Variants in EPN1 observed in about 807,000 individuals in gnomAD.
The protein encoded by EPN1 is epsin 1.
EPN1 carries 25 observed loss-of-function variants against 56.9 expected under a neutral mutation model. That is an observed-to-expected ratio of 0.44 (90% CI 0.32 to 0.61). EPN1 has a LOEUF of 0.61. Among genes scored for constraint, EPN1 ranks in the 20% least tolerant of loss-of-function variants. The probability of loss-of-function intolerance (pLI) is 0.05; values close to 1 mark genes in which losing one functional copy is unlikely to be tolerated. For synonymous variants in EPN1, 411 were observed against 361.8 expected (o/e 1.14, Z -1.54); for missense variants, 785 against 823.7 (o/e 0.95, Z 0.58).
chr19:55,687,319 G>C (rs1217041663), intron 3 of EPN1, among the ~76,000 whole-genome samples: 4 of 152,124 alleles, frequency 2.6e-5, no homozygotes, highest in Non-Finnish European at 5.9e-5. Context: ...GCTAGGGAGT[G>C]AGCCCTGAGA....
intron 9 of EPN1, chr19:55,693,266 A>T (rs1412953907): frequency 3.8e-6 from 2 of 533,262 alleles, no homozygotes; most frequent in Non-Finnish European, 6.7e-6. Flanking sequence ...AATTGTTCTC[A>T]AGGTTTCCCA....
In EPN1 at chr19:55,709,195, T is replaced by C; in HGVS notation, c.*13839T>C. On this transcript the variant is annotated 3_prime_UTR_variant, in exon 11 of 11. Transcript: ENST00000270460. ...ACTGAATTTGAAAAACAAGCATGAATCTTTCCTATAGGATAGGAAGCCTCT... is the reference window on the plus strand; with the variant it reads ...ACTGAATTTGAAAAACAAGCATGAACCTTTCCTATAGGATAGGAAGCCTCT... 1.9e-6 allele frequency: 1 copy of C among 527,090 alleles called. No individual in the cohort carries two copies. 32.7% of individuals were successfully genotyped at this position (527,090 alleles called of 1,614,324 possible). A position where few individuals can be genotyped will look rare whatever the true frequency, so the allele number is the denominator to read the frequency against.
rs187310579 is a variant in EPN1, at chr19:55,704,425, T to G, written c.*9069T>G. Reference sequence around the variant, plus strand: ...GTCCTAATCCAATCTGACTGTTATATAGTGGGGTTGCACCTTCATGTGAGG... The same window carrying G: ...GTCCTAATCCAATCTGACTGTTATAGAGTGGGGTTGCACCTTCATGTGAGG... On this transcript the variant is annotated 3_prime_UTR_variant, in exon 11 of 11. Transcript: ENST00000270460. The G allele has an allele frequency of 6.6e-6, 1 of 152,188 alleles. No homozygotes were observed. Among genetic ancestry groups the G allele is most frequent in the Non-Finnish European group, 1.5e-5 (1 of 68,052 alleles). 9.4% of individuals were successfully genotyped at this position (152,188 alleles called of 1,614,324 possible). A position where few individuals can be genotyped will look rare whatever the true frequency, so the allele number is the denominator to read the frequency against.
rs1987053908 is a variant in EPN1, at chr19:55,699,722, G to A, written c.*4366G>A. On this transcript the variant is annotated 3_prime_UTR_variant, in exon 11 of 11. Coordinates refer to ENST00000270460, the MANE Select transcript of EPN1 (RefSeq NM_001130072.2). The stretch of plus-strand genomic sequence containing the variant: ...CGGTGATTGCTTGTATGTGGCAGGG[G>A]TCTAAGGCCTGCCTGCACGTCCTGG... 6.6e-6 allele frequency: 1 copy of A among 152,160 alleles called. No individual in the cohort carries two copies. Among genetic ancestry groups the A allele is most frequent in the Non-Finnish European group, 1.5e-5 (1 of 68,032 alleles). 9.4% of individuals were successfully genotyped at this position (152,160 alleles called of 1,614,324 possible).
chr19:55,677,385 A>G lies in EPN1; in HGVS notation c.-101-1142A>G, dbSNP rs558223790. On this transcript the variant is annotated intron_variant, in intron 1 of 10. Coordinates refer to ENST00000270460, the MANE Select transcript of EPN1 (RefSeq NM_001130072.2). ...AGCAGTGCGAGTGTCTGCTGGTGTC[A>G]TCATCATTTGCTTGACTCTCTTGTT... Among the ~76,000 whole-genome samples, 28 of 152,292 alleles carry G rather than the reference A, an allele frequency of 1.8e-4. No individual in the cohort carries two copies. In the South Asian group the frequency reaches 2.5e-3, roughly 14 times the overall value.
At chr19:55,677,035 T>C in intron 1 of EPN1, 1 of 1,393,972 alleles carries the variant, frequency 7.2e-7, no homozygotes, top group South Asian at 1.4e-5. Context: ...ACTAGCTACA[T>C]CTGTCTTCAG....
chr19:55,706,299 T>TTTTTTTTTTTTTTTTTTTAA lies in EPN1; in HGVS notation c.*10943_*10944insTTTTTTTTTTTTTTTTTTAA, dbSNP rs1324277673. On this transcript the variant is annotated 3_prime_UTR_variant, in exon 11 of 11. Coordinates refer to ENST00000270460, the MANE Select transcript of EPN1 (RefSeq NM_001130072.2). The stretch of plus-strand genomic sequence containing the variant: ...TTTCTTCTTCTTTTTTTTTTTTTTT[T>TTTTTTTTTTTTTTTTTTTAA]AAAAGACCGTGTTTCGCTCTGTCAC... 6.5e-6 allele frequency: 1 copy of TTTTTTTTTTTTTTTTTTTAA among 154,808 alleles called. No individual in the cohort carries two copies. The highest frequency in any genetic ancestry group is 2.5e-5 in the African/African-American group (1 of 39,260). The allele number at this position is 154,808 out of a possible 1,614,324, so 9.6% of individuals were successfully genotyped here.
rs546215391 is a variant in EPN1 at position 55,705,834 on chromosome 19, G to A, written c.*10478G>A. ...ATATATATATATATATATATTTAGA[G>A]TGTTGTGGGATATATATATATATTT... On this transcript the variant is annotated 3_prime_UTR_variant, in exon 11 of 11. Coordinates refer to ENST00000270460, the MANE Select transcript of EPN1 (RefSeq NM_001130072.2). The A allele has an allele frequency of 2.6e-3, 202 of 77,452 alleles. 2 individuals are homozygous for A. The highest frequency in any genetic ancestry group is 0.016 in the African/African-American group (197 of 12,264). 4.8% of individuals were successfully genotyped at this position (77,452 alleles called of 1,614,324 possible). A position where few individuals can be genotyped will look rare whatever the true frequency, so the allele number is the denominator to read the frequency against.
At position 55,694,418 on chromosome 19, in the gene EPN1, G is replaced by A. The variant is rs1986784168; in HGVS notation, c.1265-308G>A. The A allele has an allele frequency of 6.1e-6, 2 of 330,110 alleles. No homozygotes were observed. The highest frequency in any genetic ancestry group is 1.1e-5 in the Non-Finnish European group (2 of 182,808). The allele number at this position is 330,110 out of a possible 1,614,324, so 20.4% of individuals were successfully genotyped here. A position where few individuals can be genotyped will look rare whatever the true frequency, so the allele number is the denominator to read the frequency against. ...CACGCCCCCGCTGCCTTCCCCCGCG[G>A]GCCTATAGACCCTGGACGGCCCCAC... On this transcript the variant is annotated intron_variant, in intron 9 of 10. Transcript: ENST00000270460. This position sits in a 1 kb window ranked among gnomAD's most constrained non-coding sequence, Gnocchi z 4.2.
rs552370408 is a variant in EPN1 at position 55,692,582 on chromosome 19, G to T, written c.1067-104G>T. 6.3e-4 allele frequency: 458 copies of T among 723,710 alleles called. 1 individual carries two copies. Among genetic ancestry groups the T allele is most frequent in the Non-Finnish European group, 9.0e-4 (410 of 456,154 alleles). The allele number at this position is 723,710 out of a possible 1,614,324, so 44.8% of individuals were successfully genotyped here. A position where few individuals can be genotyped will look rare whatever the true frequency, so the allele number is the denominator to read the frequency against. On this transcript the variant is annotated intron_variant, in intron 7 of 10. Transcript: ENST00000270460. ...GGTGGGGTGGGTTTCTGGGGGGCAG[G>T]GGGGCTTTTGTGTGAACAGCCACAG...
At chr19:55,690,302 T>G (rs1244293700) in intron 6 of EPN1, among the ~76,000 whole-genome samples, 4 of 152,250 alleles carry the variant, frequency 2.6e-5, no homozygotes, top group African/African-American at 9.6e-5. Flanking sequence ...TCGCCCCATC[T>G]GTCACACTTT....
chr19:55,695,351 C>T lies in EPN1; in HGVS notation c.1726C>T (p.Leu576=). The T allele has an allele frequency of 1.3e-6, 2 of 1,486,164 alleles. No individual in the cohort carries two copies. The highest frequency in any genetic ancestry group is 1.2e-5 in the South Asian group (1 of 82,738). The allele number at this position is 1,486,164 out of a possible 1,614,324, so 92.1% of individuals were successfully genotyped here. A position where few individuals can be genotyped will look rare whatever the true frequency, so the allele number is the denominator to read the frequency against. ...GGCCCCCAACACTAATCCCTTCCTC[C>T]TATAATCCAGGGCGGAAGGGGGCCT... is the stretch of plus-strand genomic sequence containing the variant. The part of the protein sequence containing the change: ...PPAPNTNPFL[L] Residue 576 remains leucine (L), a synonymous_variant, in exon 11 of 11, where the codon CTA becomes TTA. Coordinates refer to ENST00000270460, the MANE Select transcript of EPN1 (RefSeq NM_001130072.2). This position sits in a 1 kb window ranked among gnomAD's most constrained non-coding sequence, Gnocchi z 4.4.
At position 55,705,067 on chromosome 19, in the gene EPN1, G is replaced by T. The variant is rs1036729122; in HGVS notation, c.*9711G>T. On this transcript the variant is annotated 3_prime_UTR_variant, in exon 11 of 11. Coordinates refer to ENST00000270460, the MANE Select transcript of EPN1 (RefSeq NM_001130072.2). ...CTCGCAGTTCTGCCACACAGTGAAT[G>T]TGCTACTCAAGCCACTCAGCCTGGG... 1 of 152,246 alleles carries T rather than the reference G, an allele frequency of 6.6e-6. No homozygotes were observed. The highest frequency in any genetic ancestry group is 1.5e-5 in the Non-Finnish European group (1 of 68,058). The allele number at this position is 152,246 out of a possible 1,614,324, so 9.4% of individuals were successfully genotyped here.
rs1028932497 is a variant in EPN1 at position 55,697,172 on chromosome 19, A to G, written c.*1816A>G. 2.6e-5 allele frequency: 4 copies of G among 152,248 alleles called. No homozygotes were observed. Among genetic ancestry groups the G allele is most frequent in the Admixed American group, 1.3e-4 (2 of 15,282 alleles). 9.4% of individuals were successfully genotyped at this position (152,248 alleles called of 1,614,324 possible). On this transcript the variant is annotated 3_prime_UTR_variant, in exon 11 of 11. Coordinates refer to ENST00000270460, the MANE Select transcript of EPN1 (RefSeq NM_001130072.2). ...GGAGGGGGTGCTGTCCCCAGGCAGCAGCAAGCGTCCCTTACGCTTGGGCTG... is the reference window on the plus strand; with the variant it reads ...GGAGGGGGTGCTGTCCCCAGGCAGCGGCAAGCGTCCCTTACGCTTGGGCTG...
At chr19:55,686,530 G>A (rs1199933934) in intron 3 of EPN1, among the ~76,000 whole-genome samples, 3 of 152,144 alleles carry the variant, frequency 2.0e-5, no homozygotes, top group African/African-American at 7.2e-5. Flanking sequence ...GGTCCGGCTC[G>A]AGGGACTGGA....
Position 55,689,255 on chromosome 19 carries a change from C to G in EPN1, c.604-42C>G. ...CCTGGCTCTGCCTCTGACTCTGCCT[C>G]TGGCCCCTCCCGTCATGCCCCTCAC... is the stretch of plus-strand genomic sequence containing the variant. On this transcript the variant is annotated intron_variant, in intron 4 of 10. Transcript: ENST00000270460. This position sits in a 1 kb window ranked among gnomAD's most constrained non-coding sequence, Gnocchi z 5.7. 7.0e-7 allele frequency: 1 copy of G among 1,423,136 alleles called. No homozygotes were observed. 88.2% of individuals were successfully genotyped at this position (1,423,136 alleles called of 1,614,324 possible).
At chr19:55,684,462 C>T (rs1049132107) in intron 2 of EPN1, among the ~76,000 whole-genome samples, 5 of 152,146 alleles carry the variant, frequency 3.3e-5, no homozygotes, top group Admixed American at 1.3e-4. Context: ...TTGGTCCCCC[C>T]GCCCCCACTA....
chr19:55,676,772 CTTTT>C (rs960372790), intron 1 of EPN1: 1 of 163,456 alleles, frequency 6.1e-6, no homozygotes, highest in Non-Finnish European at 1.3e-5. Context: ...CGCCAGGTCT[CTTTT>C]TGTTTCTGGG....
rs534770603 is a variant in EPN1 at position 55,709,171 on chromosome 19, C to T, written c.*13815C>T. The T allele has an allele frequency of 1.6e-6, 1 of 621,420 alleles. No homozygotes were observed. The highest frequency in any genetic ancestry group is 1.9e-5 in the African/African-American group (1 of 51,434). The allele number at this position is 621,420 out of a possible 1,614,324, so 38.5% of individuals were successfully genotyped here. A position where few individuals can be genotyped will look rare whatever the true frequency, so the allele number is the denominator to read the frequency against. ...CCTAGAAATCACTGGGAGAATTGTA[C>T]TGAATTTGAAAAACAAGCATGAATC... is the stretch of plus-strand genomic sequence containing the variant. On this transcript the variant is annotated 3_prime_UTR_variant, in exon 11 of 11. Transcript: ENST00000270460.
Sources: gnomAD v4.1 joint callset for allele counts (sites outside exome capture counted in the v4.1 genomes callset) on GRCh38, gnomAD v4.1.1 for gene constraint, Gnocchi (gnomAD v3.1) non-coding constraint, MANE v1.5 for transcripts, NCBI Gene and HGNC (gene_info 2026-07-23, HGNC 2026-07-21) for gene names.